MPDZ: variants seen among roughly 807,000 people sequenced by gnomAD.
The protein encoded by MPDZ is multiple PDZ domain protein.
MPDZ carries 234 observed loss-of-function variants against 239.1 expected under a neutral mutation model. The ratio of observed to expected loss-of-function variants is 0.98; its 90% CI spans 0.88 to 1.09. The LOEUF (loss-of-function observed/expected upper bound fraction) is 1.09. Among genes scored for constraint, MPDZ ranks in the 50% least tolerant of loss-of-function variants. The pLI, the probability that MPDZ is intolerant of heterozygous loss-of-function variation, is 0.00. For missense variants in MPDZ, 3,175 were observed against 2,510.0 expected, an observed-to-expected ratio of 1.26 and a Z score of -5.66; for synonymous variants, 1,048 against 881.3, an observed-to-expected ratio of 1.19 and a Z score of -3.35.
Position 13,147,618 on chromosome 9 carries a change from G to T in MPDZ, c.3671C>A (p.Ala1224Asp). The T allele has an allele frequency of 6.2e-7, 1 of 1,612,302 alleles. No individual in the cohort carries two copies. The highest frequency in any genetic ancestry group is 1.3e-5 in the African/African-American group (1 of 74,914). ...MDLRDASHEQ[A>D]VEAIRKAGNP... ...GCCTGCTTTCCGAATGGCTTCCACA[G>T]CTTGTTCATGGCTTGCATCTCTGAG... The change falls in exon 26 of 47, where the codon GCT becomes GAT. Residue 1224 changes from alanine to aspartate, a missense_variant. Coordinates refer to ENST00000319217, the MANE Select transcript of MPDZ (RefSeq NM_001378778.1).
At chr9:13,174,432 A>G (rs907271592) in intron 21 of MPDZ, among the ~76,000 whole-genome samples, 4 of 152,186 alleles carry the variant, frequency 2.6e-5, no homozygotes, top group Non-Finnish European at 5.9e-5. Flanking sequence ...TGCCTTATCA[A>G]TTATTCAAGA....
intron 28 of MPDZ, 91 bp from the exon 29 acceptor site, chr9:13,138,244 G>C: frequency 7.7e-7 from 1 of 1,296,258 alleles, no homozygotes; most frequent in Non-Finnish European, 1.0e-6. Context: ...TACCTCAAAA[G>C]GACAGATTTT....
At chr9:13,262,375 A>G (rs935229822) in intron 1 of MPDZ, among the ~76,000 whole-genome samples, 1 of 152,226 alleles carries the variant, frequency 6.6e-6, no homozygotes, top group Non-Finnish European at 1.5e-5. Flanking sequence ...ACCCGAGCTC[A>G]GGTGGTAGAG....
At chr9:13,191,420 T>C (rs752509792) in intron 15 of MPDZ, among the ~76,000 whole-genome samples, 1 of 152,016 alleles carries the variant, frequency 6.6e-6, no homozygotes, top group Non-Finnish European at 1.5e-5. Flanking sequence ...ACTTTAGCTA[T>C]GTATTGTGTA....
At chr9:13,204,670 T>TATA (rs781066698) in intron 12 of MPDZ, among the ~76,000 whole-genome samples, 10 of 152,182 alleles carry the variant, frequency 6.6e-5, no homozygotes, top group Non-Finnish European at 1.5e-4. Context: ...TTAAATACTT[T>TATA]ATAATTTTAT....
At chr9:13,127,950 A>G (rs1013354037) in intron 32 of MPDZ, among the ~76,000 whole-genome samples, 1 of 152,224 alleles carries the variant, frequency 6.6e-6, no homozygotes, top group African/African-American at 2.4e-5. Flanking sequence ...TACTTGTCAC[A>G]TAACAGTCAT....
At chr9:13,223,186 T>A (rs1959313789) in intron 5 of MPDZ, among the ~76,000 whole-genome samples, 1 of 151,940 alleles carries the variant, frequency 6.6e-6, no homozygotes, top group Non-Finnish European at 1.5e-5. Flanking sequence ...CAATTCCCCA[T>A]GGATACTGAG....
chr9:13,159,717 T>C (rs1226680360), intron 23 of MPDZ, among the ~76,000 whole-genome samples: 1 of 152,160 alleles, frequency 6.6e-6, no homozygotes, highest in Non-Finnish European at 1.5e-5. Flanking sequence ...TCTTCCTTTT[T>C]AGGTACAAGA....
intron 29 of MPDZ, 63 bp from the exon 30 acceptor site, chr9:13,136,866 T>G (rs1354336710): frequency 1.1e-6 from 1 of 923,338 alleles, no homozygotes; most frequent in Admixed American, 2.5e-5. Flanking sequence ...TTTATCATCC[T>G]TCCTCATTAA....
At chr9:13,155,364 G>T (rs1221461362) in intron 24 of MPDZ, among the ~76,000 whole-genome samples, 1 of 151,996 alleles carries the variant, frequency 6.6e-6, no homozygotes, top group Non-Finnish European at 1.5e-5. Context: ...TAAGTATAAA[G>T]AAATAAATAT....
intron 24 of MPDZ, among the ~76,000 whole-genome samples, chr9:13,152,416 T>A (rs888011228): frequency 2.6e-5 from 4 of 152,086 alleles, no homozygotes; most frequent in African/African-American, 9.7e-5. Flanking sequence ...TTTCCTGTGC[T>A]TTTCTCATGA....
intron 24 of MPDZ, among the ~76,000 whole-genome samples, chr9:13,152,325 C>A (rs1949282447): frequency 6.6e-6 from 1 of 152,154 alleles, no homozygotes; most frequent in African/African-American, 2.4e-5. Flanking sequence ...ACCCAAATCT[C>A]AATTTAAACT....
chr9:13,178,299 G>C (rs1284758380), intron 19 of MPDZ, among the ~76,000 whole-genome samples: 1 of 150,814 alleles, frequency 6.6e-6, no homozygotes, highest in Non-Finnish European at 1.5e-5. Context: ...CTGCTAACTT[G>C]TGTTCCAATT....
At chr9:13,161,141 C>T (rs1950438214) in intron 23 of MPDZ, among the ~76,000 whole-genome samples, 1 of 151,732 alleles carries the variant, frequency 6.6e-6, no homozygotes, top group African/African-American at 2.4e-5. Context: ...AAATAACATA[C>T]CTTCCCCTTC....
At chr9:13,141,242 A>C (rs2132514405) in intron 27 of MPDZ, among the ~76,000 whole-genome samples, 1 of 152,334 alleles carries the variant, frequency 6.6e-6, no homozygotes, top group Middle Eastern at 3.4e-3. Flanking sequence ...AAGGTCTTTA[A>C]GTTGCTGAGT....
In MPDZ at chr9:13,205,018, C is replaced by T. The variant is rs369447295; in HGVS notation, c.1546+18G>A. 1.2e-5 allele frequency: 17 copies of T among 1,405,146 alleles called. No homozygotes were observed. Among genetic ancestry groups the T allele is most frequent in the African/African-American group, 1.5e-5 (1 of 66,718 alleles). 87.0% of individuals were successfully genotyped at this position (1,405,146 alleles called of 1,614,324 possible). ...GAAAAATAATGAAGTACACAATAAG[C>T]TGGCGCTAGGTGTTTACCTTCTTCT... On this transcript the variant is annotated intron_variant, in intron 12 of 46. Transcript: ENST00000319217.
intron 10 of MPDZ, among the ~76,000 whole-genome samples, chr9:13,213,581 A>G (rs553335696): frequency 4.4e-4 from 67 of 152,214 alleles, no homozygotes; most frequent in African/African-American, 1.5e-3. Context: ...CATGTTCAAA[A>G]GCATTGCATG....
At chr9:13,117,450 G>A (rs1380891662) in intron 39 of MPDZ, among the ~76,000 whole-genome samples, 1 of 151,068 alleles carries the variant, frequency 6.6e-6, no homozygotes, top group Non-Finnish European at 1.5e-5. Flanking sequence ...AGAATGGCGT[G>A]AACCCGGGAG....
chr9:13,156,123 T>C (rs1949783362), intron 24 of MPDZ, among the ~76,000 whole-genome samples: 1 of 152,200 alleles, frequency 6.6e-6, no homozygotes, highest in Non-Finnish European at 1.5e-5. Context: ...TGACTCACTA[T>C]GTGCCAGGCA....
Sources: gnomAD v4.1 joint callset for allele counts (sites outside exome capture counted in the v4.1 genomes callset) on GRCh38, gnomAD v4.1.1 for gene constraint, MANE v1.5 for transcripts, NCBI Gene and HGNC (gene_info 2026-07-23, HGNC 2026-07-21) for gene names.